DTNB: variants seen among roughly 807,000 people sequenced by gnomAD.
DTNB encodes dystrobrevin beta.
In DTNB, 63 loss-of-function variants were observed where a neutral mutation model predicts 90.7. The ratio of observed to expected loss-of-function variants is 0.69; its 90% CI spans 0.57 to 0.86. The LOEUF (loss-of-function observed/expected upper bound fraction) is 0.86, where lower values mean the gene tolerates loss of function less well. Ranked by LOEUF, DTNB falls within the 40% of genes least tolerant of loss-of-function variation. The pLI, the probability that DTNB is intolerant of heterozygous loss-of-function variation, is 0.00. For missense variants in DTNB, 744 were observed against 807.1 expected (o/e 0.92, Z 0.95); for synonymous variants, 277 against 286.7 (o/e 0.97, Z 0.34).
chr2:25,515,967 A>C (rs1024288663), intron 9 of DTNB, among the ~76,000 whole-genome samples: 4 of 152,220 alleles, frequency 2.6e-5, no homozygotes, highest in African/African-American at 9.6e-5. Context: ...TAAATCTAAA[A>C]CTAAAATAAA....
intron 4 of DTNB, among the ~76,000 whole-genome samples, chr2:25,621,996 G>A (rs960981580): frequency 6.6e-6 from 1 of 151,656 alleles, no homozygotes; most frequent in African/African-American, 2.4e-5. Context: ...GTATTTTACA[G>A]ACTTTGTCCA....
At chr2:25,534,554 C>G (rs2150947772) in intron 8 of DTNB, among the ~76,000 whole-genome samples, 1 of 152,226 alleles carries the variant, frequency 6.6e-6, no homozygotes, top group East Asian at 1.9e-4. Flanking sequence ...GATGGGGCGG[C>G]CTGGCAGAGG....
chr2:25,572,101 G>C (rs1380953624), intron 8 of DTNB, among the ~76,000 whole-genome samples: 3 of 152,124 alleles, frequency 2.0e-5, no homozygotes, highest in Non-Finnish European at 4.4e-5. Context: ...AGGATCTCTG[G>C]ATATGGCACA....
chr2:25,662,042 G>C (rs2083278325), intron 1 of DTNB, among the ~76,000 whole-genome samples: 1 of 152,012 alleles, frequency 6.6e-6, no homozygotes, highest in Non-Finnish European at 1.5e-5. Flanking sequence ...TGTAGTCCCA[G>C]CTACTCGGGA....
At chr2:25,566,640 T>TA (rs1219694659) in intron 8 of DTNB, among the ~76,000 whole-genome samples, 1 of 152,162 alleles carries the variant, frequency 6.6e-6, no homozygotes, top group Non-Finnish European at 1.5e-5. Context: ...AGTCAATCCC[T>TA]AATAGTCAAC....
chr2:25,394,119 A>G (rs183648840), intron 16 of DTNB, among the ~76,000 whole-genome samples: 26 of 152,322 alleles, frequency 1.7e-4, no homozygotes, highest in Non-Finnish European at 3.1e-4. Flanking sequence ...GATCTTTGAC[A>G]AAGCAAACAA....
At chr2:25,384,300 T>TA (rs59281267) in intron 18 of DTNB, among the ~76,000 whole-genome samples, 304 of 147,820 alleles carry the variant, frequency 2.1e-3, no homozygotes, top group African/African-American at 6.3e-3. Flanking sequence ...GGGGTTCTGT[T>TA]AAAAAAAAAA....
chr2:25,438,294 A>AAAAT (rs935992723), intron 12 of DTNB, among the ~76,000 whole-genome samples: 17 of 152,354 alleles, frequency 1.1e-4, no homozygotes, highest in East Asian at 1.9e-4. Flanking sequence ...TGATGAGCTA[A>AAAAT]AAATAAATAA....
chr2:25,383,690 A>G (rs1181761411), intron 19 of DTNB, 146 bp downstream of exon 19: 2 of 1,527,742 alleles, frequency 1.3e-6, no homozygotes, highest in Non-Finnish European at 1.8e-6. Context: ...TGACTGTCAG[A>G]TGGGAAAAGT....
At chr2:25,644,581 T>C (rs1301320990) in intron 2 of DTNB, among the ~76,000 whole-genome samples, 1 of 151,908 alleles carries the variant, frequency 6.6e-6, no homozygotes. Context: ...GGTGAAACCC[T>C]ATCCCTACTA....
intron 9 of DTNB, among the ~76,000 whole-genome samples, chr2:25,505,657 G>A (rs1296339615): frequency 6.6e-6 from 1 of 152,014 alleles, no homozygotes; most frequent in African/African-American, 2.4e-5. Flanking sequence ...AAAGCTTGCT[G>A]TCACTTGTAC....
intron 16 of DTNB, 70 bp from the exon 17 acceptor site, chr2:25,388,431 T>G (rs2040154464): frequency 6.6e-6 from 10 of 1,511,422 alleles, no homozygotes; most frequent in South Asian, 2.7e-5. Flanking sequence ...AGAAAGTACT[T>G]TTTCTCCATC....
chr2:25,665,082 G>A (rs896665709), intron 1 of DTNB, among the ~76,000 whole-genome samples: 2 of 152,162 alleles, frequency 1.3e-5, no homozygotes, highest in African/African-American at 2.4e-5. Context: ...ACGTCTACAC[G>A]CAGAAGTTAC....
At chr2:25,663,469 T>C (rs1391047154) in intron 1 of DTNB, among the ~76,000 whole-genome samples, 1 of 152,180 alleles carries the variant, frequency 6.6e-6, no homozygotes, top group Non-Finnish European at 1.5e-5. Context: ...TGGTTCTAGA[T>C]CCTCGAGGAA....
At chr2:25,655,374 A>C (rs2081871173) in intron 1 of DTNB, among the ~76,000 whole-genome samples, 1 of 152,198 alleles carries the variant, frequency 6.6e-6, no homozygotes, top group African/African-American at 2.4e-5. Context: ...CTAGGCTAAC[A>C]ACCAGGCATT....
chr2:25,494,900 T>C (rs1266717852), intron 9 of DTNB, among the ~76,000 whole-genome samples: 1 of 150,538 alleles, frequency 6.6e-6, no homozygotes, highest in Non-Finnish European at 1.5e-5. Flanking sequence ...GAGAGAGCAC[T>C]GTTGCCAGAA....
chr2:25,516,431 T>C (rs1394659082), intron 9 of DTNB, among the ~76,000 whole-genome samples: 1 of 151,958 alleles, frequency 6.6e-6, no homozygotes, highest in Non-Finnish European at 1.5e-5. Flanking sequence ...GTATCTTTTT[T>C]AAGTAGAGAC....
intron 14 of DTNB, among the ~76,000 whole-genome samples, chr2:25,432,305 A>T (rs2054165172): frequency 6.6e-6 from 1 of 151,854 alleles, no homozygotes; most frequent in Admixed American, 6.6e-5. Flanking sequence ...TTCTGTGAAG[A>T]CTTCCCCATT....
chr2:25,524,728 G>A (rs1196412133), intron 9 of DTNB, among the ~76,000 whole-genome samples: 3 of 152,122 alleles, frequency 2.0e-5, no homozygotes, highest in Admixed American at 1.3e-4. Flanking sequence ...AGGAGGGCTC[G>A]TGTGAAGATG....
Sources: allele counts gnomAD v4.1 joint callset (sites outside exome capture counted in the v4.1 genomes callset), GRCh38; gene constraint gnomAD v4.1.1; transcripts MANE v1.5; gene names NCBI Gene and HGNC (gene_info 2026-07-23, HGNC 2026-07-21).